Variants in ATP8A2 observed in about 807,000 individuals in gnomAD.
The protein encoded by ATP8A2 is ATPase phospholipid transporting 8A2, also known as phospholipid-transporting ATPase IB.
A neutral mutation model predicts 165.6 loss-of-function variants in ATP8A2; 100 were observed. The observed-to-expected ratio is 0.60, with a 90% CI of 0.51 to 0.71. The LOEUF is 0.71. Among genes scored for constraint, ATP8A2 ranks in the 30% least tolerant of loss-of-function variants. The probability of loss-of-function intolerance (pLI) is 0.00; values close to 1 mark genes in which losing one functional copy is unlikely to be tolerated. For synonymous variants in ATP8A2, 543 were observed against 548.8 expected, an observed-to-expected ratio of 0.99 and a Z score of 0.15; for missense variants, 1,227 against 1,479.5, an observed-to-expected ratio of 0.83 and a Z score of 2.80.
At chr13:25,659,068 A>G (rs533884006) in intron 24 of ATP8A2, among the ~76,000 whole-genome samples, 1 of 152,286 alleles carries the variant, frequency 6.6e-6, no homozygotes, top group African/African-American at 2.4e-5. Context: ...GGAATGATCT[A>G]TTTCAGCAAA....
chr13:25,400,322 C>G (rs903564688), intron 1 of ATP8A2, among the ~76,000 whole-genome samples: 1 of 152,148 alleles, frequency 6.6e-6, no homozygotes, highest in Admixed American at 6.6e-5. Flanking sequence ...TTCTTTAGGT[C>G]ATATTAAAAG....
chr13:25,677,805 G>T (rs1426868835), intron 24 of ATP8A2, among the ~76,000 whole-genome samples: 2 of 152,108 alleles, frequency 1.3e-5, no homozygotes, highest in Admixed American at 6.5e-5. Context: ...TGAAGGAGTG[G>T]ATTCACTCAT....
intron 24 of ATP8A2, among the ~76,000 whole-genome samples, chr13:25,652,533 T>G (rs1302181756): frequency 6.6e-6 from 1 of 152,204 alleles, no homozygotes; most frequent in Non-Finnish European, 1.5e-5. Context: ...TCAAAAAATT[T>G]AGGATATTTT....
At chr13:25,521,932 T>A (rs2037684979) in intron 2 of ATP8A2, among the ~76,000 whole-genome samples, 1 of 152,248 alleles carries the variant, frequency 6.6e-6, no homozygotes, top group African/African-American at 2.4e-5. Context: ...TTCTTTTTGC[T>A]CTGGATTGCT....
rs2039570449 is a variant in ATP8A2, at chr13:25,574,824, C to T, written c.1679C>T (p.Thr560Ile). ...TTCCTTTAGATGGGACAGGAACAAA[C>T]ATTCGGAATCCTTAATGTCCTGGAA... ...VIIEAMGQEQ[T>I]FGILNVLEFS... Residue 560 changes from threonine (T) to isoleucine (I), a missense_variant, in exon 19 of 37, where the codon ACA becomes ATA. This residue lies in a region of ATP8A2 where 592 missense variants were observed against 785.6 expected (regional missense o/e 0.75). Transcript: ENST00000381655. 1 of 1,566,238 alleles carries T rather than the reference C, an allele frequency of 6.4e-7. No homozygotes were observed. Among genetic ancestry groups the T allele is most frequent in the African/African-American group, 1.4e-5 (1 of 73,664 alleles).
intron 24 of ATP8A2, among the ~76,000 whole-genome samples, chr13:25,594,580 C>T (rs576351092): frequency 1.8e-4 from 28 of 152,208 alleles, no homozygotes; most frequent in Admixed American, 5.9e-4. Context: ...CCCACCCTTT[C>T]CCCCAAGTCC....
chr13:25,515,450 G>T (rs939784537), intron 2 of ATP8A2, among the ~76,000 whole-genome samples: 4 of 152,246 alleles, frequency 2.6e-5, no homozygotes, highest in Non-Finnish European at 5.9e-5. Context: ...TGCCTCGCAG[G>T]CCAGGGCCCT....
chr13:25,738,350 CCA>C lies in ATP8A2; in HGVS notation c.2385-30688_2385-30687del, dbSNP rs1202875563. ...CTTTTTGTGCCCCCCTCCCCCCCCC[CCA>C]CACACACTTCTTCTGGTAGTTGCTG... On this transcript the variant is annotated intron_variant, in intron 25 of 36. Coordinates refer to ENST00000381655, the MANE Select transcript of ATP8A2 (RefSeq NM_016529.6). Among the ~76,000 whole-genome samples, 719 of 97,696 alleles carry C rather than the reference CCA, an allele frequency of 7.4e-3. 10 individuals carry two copies. Among genetic ancestry groups the C allele is most frequent in the African/African-American group, 0.02 (566 of 28,196 alleles). 64.1% of individuals were successfully genotyped at this position (97,696 alleles called of 152,430 possible). A position where few individuals can be genotyped will look rare whatever the true frequency, so the allele number is the denominator to read the frequency against.
chr13:26,000,700 CAAAAAAAA>C (rs5802358), intron 35 of ATP8A2, among the ~76,000 whole-genome samples: 28 of 110,190 alleles, frequency 2.5e-4, no homozygotes, highest in African/African-American at 8.9e-4. Flanking sequence ...AGTACAGAGC[CAAAAAAAA>C]AAAAAAAAAA....
intron 35 of ATP8A2, among the ~76,000 whole-genome samples, chr13:25,985,325 T>C (rs368455582): frequency 6.6e-6 from 1 of 152,236 alleles, no homozygotes; most frequent in East Asian, 1.9e-4. Context: ...ATAGCCAAGT[T>C]CTTTCTTTCT....
intron 25 of ATP8A2, among the ~76,000 whole-genome samples, chr13:25,711,960 T>C (rs942663906): frequency 5.3e-5 from 8 of 152,162 alleles, no homozygotes; most frequent in African/African-American, 1.9e-4. Context: ...TGTTCACTTC[T>C]GGTGCAGGTA....
At chr13:25,933,556 G>A (rs911608072) in intron 33 of ATP8A2, among the ~76,000 whole-genome samples, 13 of 152,198 alleles carry the variant, frequency 8.5e-5, no homozygotes, top group African/African-American at 3.1e-4. Flanking sequence ...AGCAGTGATC[G>A]TGATTACACT....
Position 25,372,418 on chromosome 13 carries a change from C to A in ATP8A2, c.76+130C>A. On this transcript the variant is annotated intron_variant, in intron 1 of 36. Coordinates refer to ENST00000381655, the MANE Select transcript of ATP8A2 (RefSeq NM_016529.6). This position sits in a 1 kb window ranked among gnomAD's most constrained non-coding sequence, Gnocchi z 4.8. ...CCCTGGGCTCCCTGGGCTCTCTGGG[C>A]TGCAGGATCCGCCGACGCGGCGCGC... The A allele has an allele frequency of 3.2e-6, 2 of 627,966 alleles. No individual in the cohort carries two copies. The highest frequency in any genetic ancestry group is 5.2e-5 in the South Asian group (1 of 19,388). The allele number at this position is 627,966 out of a possible 1,614,324, so 38.9% of individuals were successfully genotyped here.
At chr13:25,693,124 T>A (rs1404689930) in intron 24 of ATP8A2, among the ~76,000 whole-genome samples, 1 of 152,202 alleles carries the variant, frequency 6.6e-6, no homozygotes, top group East Asian at 1.9e-4. Flanking sequence ...TTTTAGCAAC[T>A]GGACTAAATA....
At chr13:25,531,540 C>A (rs980730523) in intron 4 of ATP8A2, among the ~76,000 whole-genome samples, 1 of 150,742 alleles carries the variant, frequency 6.6e-6, no homozygotes, top group South Asian at 2.1e-4. Flanking sequence ...TACACACACA[C>A]CTTGCTTTCA....
chr13:25,995,488 T>C (rs551623110), intron 35 of ATP8A2, among the ~76,000 whole-genome samples: 8 of 152,054 alleles, frequency 5.3e-5, no homozygotes, highest in African/African-American at 1.9e-4. Flanking sequence ...CCACAAATTG[T>C]AATGTATTTT....
intron 18 of ATP8A2, among the ~76,000 whole-genome samples, chr13:25,574,140 A>G (rs2039549501): frequency 6.6e-6 from 1 of 152,188 alleles, no homozygotes; most frequent in Admixed American, 6.5e-5. Flanking sequence ...ACCATCTGGA[A>G]TTTTTAGATG....
At chr13:25,650,807 A>G (rs2041794283) in intron 24 of ATP8A2, among the ~76,000 whole-genome samples, 1 of 152,172 alleles carries the variant, frequency 6.6e-6, no homozygotes, top group Non-Finnish European at 1.5e-5. Flanking sequence ...TAATTTCCCA[A>G]TGTTAAACCA....
At chr13:25,989,151 C>T (rs898971380) in intron 35 of ATP8A2, among the ~76,000 whole-genome samples, 1 of 152,150 alleles carries the variant, frequency 6.6e-6, no homozygotes, top group African/African-American at 2.4e-5. Flanking sequence ...GTCCCTGCAG[C>T]CAGCTTTGAA....
Sources: gnomAD v4.1 joint callset for allele counts (sites outside exome capture counted in the v4.1 genomes callset) on GRCh38, gnomAD v4.1.1 for gene constraint, gnomAD v4.1.1 regional missense constraint, Gnocchi (gnomAD v3.1) non-coding constraint, MANE v1.5 for transcripts, NCBI Gene and HGNC (gene_info 2026-07-23, HGNC 2026-07-21) for gene names.